The following RAB11FIP3 variants were observed in gnomAD, a reference collection of about 807,000 sequenced individuals.
RAB11FIP3 encodes the protein RAB11 family interacting protein 3.
RAB11FIP3 carries 17 observed loss-of-function variants against 77.8 expected under a neutral mutation model. That is an observed-to-expected ratio of 0.22 (90% CI 0.15 to 0.33). The LOEUF (loss-of-function observed/expected upper bound fraction) is 0.33, where lower values mean the gene tolerates loss of function less well. Ranked by LOEUF, RAB11FIP3 falls within the 10% of genes least tolerant of loss-of-function variation. The pLI is 1.00. For synonymous variants in RAB11FIP3, 437 were observed against 448.2 expected (o/e 0.98, Z 0.31); for missense variants, 1,005 against 1,011.2 (o/e 0.99, Z 0.08).
intron 1 of RAB11FIP3, among the ~76,000 whole-genome samples, chr16:439,582 C>CT (rs1719947221): frequency 1.3e-5 from 2 of 152,164 alleles, no homozygotes; most frequent in South Asian, 4.1e-4. Context: ...TGAGACAGAT[C>CT]TCAGTTAGTT....
intron 4 of RAB11FIP3, 140 bp from the exon 5 acceptor site, chr16:488,711 C>CTTTTTTT: frequency 5.2e-6 from 3 of 580,342 alleles, no homozygotes; most frequent in Non-Finnish European, 2.6e-6. Flanking sequence ...ATCCAGCCCA[C>CTTTTTTT]TTTTTTTTTT....
In RAB11FIP3 at chr16:520,770, G is replaced by C. The variant is rs138947628; in HGVS notation, c.2202G>C (p.Leu734=). ...AGCAGGAGGAGATCAACTTCCGCCT[G>C]CAGGACTACATCGACAGGATCATCG... ...IQKQEEINFR[L]QDYIDRIIVA... The change falls in exon 14 of 14, where the codon CTG becomes CTC. Residue 734 remains leucine (L), a synonymous_variant. Coordinates refer to ENST00000262305, the MANE Select transcript of RAB11FIP3 (RefSeq NM_014700.4). 26 of 1,613,710 alleles carry C rather than the reference G, an allele frequency of 1.6e-5. No individual in the cohort carries two copies. In the African/African-American group the frequency reaches 3.2e-4, roughly 20 times the overall value.
chr16:491,250 G>A, intron 5 of RAB11FIP3: 7 of 1,304,842 alleles, frequency 5.4e-6, no homozygotes, highest in Non-Finnish European at 7.1e-6. Context: ...GCCCGCCTGA[G>A]TGATCTTGAA....
At position 510,372 on chromosome 16, in the gene RAB11FIP3, C is replaced by T. The variant is rs947709437; in HGVS notation, c.1500-288C>T. 8 of 369,558 alleles carry T rather than the reference C, an allele frequency of 2.2e-5. No individual in the cohort carries two copies. The East Asian group carries it at 3.0e-4, about 14-fold the overall frequency. The allele number at this position is 369,558 out of a possible 1,614,324, so 22.9% of individuals were successfully genotyped here. A position where few individuals can be genotyped will look rare whatever the true frequency, so the allele number is the denominator to read the frequency against. ...GCGGGCTCAGGCCCTCTGAGTGCTG[C>T]GGTCCACAGGCCACAAGCGGGCAGT... is the stretch of plus-strand genomic sequence containing the variant. On this transcript the variant is annotated intron_variant, in intron 8 of 13. Coordinates refer to ENST00000262305, the MANE Select transcript of RAB11FIP3 (RefSeq NM_014700.4).
chr16:463,729 C>T (rs560098802), intron 2 of RAB11FIP3, among the ~76,000 whole-genome samples: 6 of 152,284 alleles, frequency 3.9e-5, no homozygotes, highest in South Asian at 2.1e-4. Flanking sequence ...TGAGCCACTG[C>T]GCCCGGCCTG....
chr16:489,093 G>T (rs74390230), intron 5 of RAB11FIP3, 93 bp downstream of exon 5: 3 of 1,406,952 alleles, frequency 2.1e-6, no homozygotes, highest in Non-Finnish European at 2.8e-6. Context: ...ATTGGTGAGA[G>T]AACTTGCTTT....
rs2032747984 is a variant in RAB11FIP3, at chr16:522,576, A to G, written c.*1737A>G. ...TTCCCTCAAGGCGTCCGAGGCCATC[A>G]GTTGTCTGAGCTCAGAACCCAGCAG... On this transcript the variant is annotated 3_prime_UTR_variant, in exon 14 of 14. Transcript: ENST00000262305. 1 of 152,222 alleles carries G rather than the reference A, an allele frequency of 6.6e-6. No homozygotes were observed. Among genetic ancestry groups the G allele is most frequent in the Non-Finnish European group, 1.5e-5 (1 of 68,078 alleles). 9.4% of individuals were successfully genotyped at this position (152,222 alleles called of 1,614,324 possible). A position where few individuals can be genotyped will look rare whatever the true frequency, so the allele number is the denominator to read the frequency against.
chr16:432,914 C>G (rs1002999555), intron 1 of RAB11FIP3, among the ~76,000 whole-genome samples: 10 of 144,784 alleles, frequency 6.9e-5, no homozygotes, highest in Non-Finnish European at 1.5e-4. Flanking sequence ...TGAGCTGTTT[C>G]TTTTTAATTG....
Position 521,231 on chromosome 16 carries a change from C to G in RAB11FIP3, c.*392C>G, listed in dbSNP as rs770365403. On this transcript the variant is annotated 3_prime_UTR_variant, in exon 14 of 14. Transcript: ENST00000262305. The stretch of plus-strand genomic sequence containing the variant: ...GGTGTGGGGTGAGCCCTGCTGTGGC[C>G]TCCTTGTGGTGGTCCCTCTTCCCAC... The G allele has an allele frequency of 4.6e-4, 106 of 232,288 alleles. No homozygotes were observed. The highest frequency in any genetic ancestry group is 7.9e-4 in the Non-Finnish European group (92 of 116,808). 14.4% of individuals were successfully genotyped at this position (232,288 alleles called of 1,614,324 possible). A position where few individuals can be genotyped will look rare whatever the true frequency, so the allele number is the denominator to read the frequency against.
In RAB11FIP3 at chr16:426,763, C is replaced by T; in HGVS notation, c.714+43C>T. 2.1e-6 allele frequency: 3 copies of T among 1,425,932 alleles called. No individual in the cohort carries two copies. The highest frequency in any genetic ancestry group is 2.6e-5 in the Admixed American group (1 of 39,064). 88.3% of individuals were successfully genotyped at this position (1,425,932 alleles called of 1,614,324 possible). On this transcript the variant is annotated intron_variant, in intron 1 of 13. Coordinates refer to ENST00000262305, the MANE Select transcript of RAB11FIP3 (RefSeq NM_014700.4). The surrounding 1 kb of genome is among the most constrained non-coding windows in gnomAD (Gnocchi z 5.0). ...CCGGGGCGTGGGAACTGGGCAGGTGCGCGCTGGCCGGCGGGGTTGATGTGG... is the reference window on the plus strand; with the variant it reads ...CCGGGGCGTGGGAACTGGGCAGGTGTGCGCTGGCCGGCGGGGTTGATGTGG...
intron 4 of RAB11FIP3, among the ~76,000 whole-genome samples, chr16:487,657 C>T (rs2056185082): frequency 2.6e-5 from 4 of 152,102 alleles, no homozygotes; most frequent in Admixed American, 2.6e-4. Flanking sequence ...GCCGGGCCTG[C>T]ACAGAAGGTT....
At chr16:488,743 A>T in intron 4 of RAB11FIP3, 108 bp from the exon 5 acceptor site, 1 of 1,021,592 alleles carries the variant, frequency 9.8e-7, no homozygotes, top group South Asian at 2.1e-5. Context: ...GGCTCCCAGG[A>T]CTCACGTGTG....
chr16:477,342 C>G (rs968686913), intron 3 of RAB11FIP3, among the ~76,000 whole-genome samples: 3 of 152,374 alleles, frequency 2.0e-5, no homozygotes, highest in African/African-American at 7.2e-5. Context: ...AGCAGCGGGT[C>G]TTCCTGGTGC....
At chr16:434,207 C>T (rs929153410) in intron 1 of RAB11FIP3, among the ~76,000 whole-genome samples, 7 of 151,754 alleles carry the variant, frequency 4.6e-5, no homozygotes, top group Non-Finnish European at 1.0e-4. Flanking sequence ...CTGCAACCTT[C>T]GCCTCCTGGG....
At chr16:459,800 A>G (rs538009564) in intron 1 of RAB11FIP3, among the ~76,000 whole-genome samples, 4 of 151,740 alleles carry the variant, frequency 2.6e-5, no homozygotes, top group Non-Finnish European at 5.9e-5. Context: ...TCATGTGGTT[A>G]TCAACCATTC....
At chr16:464,925 A>AGGG (rs1403826498) in intron 2 of RAB11FIP3, among the ~76,000 whole-genome samples, 5 of 152,172 alleles carry the variant, frequency 3.3e-5, no homozygotes, top group Non-Finnish European at 7.3e-5. Context: ...CATTAATTCC[A>AGGG]AACAGAATTT....
At chr16:436,600 G>C (rs1477627826) in intron 1 of RAB11FIP3, among the ~76,000 whole-genome samples, 1 of 152,128 alleles carries the variant, frequency 6.6e-6, no homozygotes, top group African/African-American at 2.4e-5. Context: ...TCCTGCCTCA[G>C]CCTCCTGAGT....
In RAB11FIP3 at chr16:514,275, G is replaced by C. The variant is rs574335290; in HGVS notation, c.1640+3475G>C. 6.6e-6 allele frequency among the ~76,000 whole-genome samples: 1 copy of C among 151,598 alleles called. No individual in the cohort carries two copies. The highest frequency in any genetic ancestry group is 2.4e-5 in the African/African-American group (1 of 40,854). On this transcript the variant is annotated intron_variant, in intron 9 of 13. Coordinates refer to ENST00000262305, the MANE Select transcript of RAB11FIP3 (RefSeq NM_014700.4). This position sits in a 1 kb window ranked among gnomAD's most constrained non-coding sequence, Gnocchi z 4.6. ...CAGCAACCTGCGGTCAGCCCAGCACGAGGCCTCTGGCATCTTGGGGACTTC... is the reference window on the plus strand; with the variant it reads ...CAGCAACCTGCGGTCAGCCCAGCACCAGGCCTCTGGCATCTTGGGGACTTC...
rs2055811096 is a variant in RAB11FIP3, at chr16:471,644, G to A, written c.903+255G>A. 6.6e-6 allele frequency among the ~76,000 whole-genome samples: 1 copy of A among 152,202 alleles called. No homozygotes were observed. The highest frequency in any genetic ancestry group is 1.5e-5 in the Non-Finnish European group (1 of 68,032). ...CGCCAGCAGAAGTGGGGTGGGCAGT[G>A]ATGTCATGACCACCCGCTGCCAGGC... On this transcript the variant is annotated intron_variant, in intron 3 of 13. Transcript: ENST00000262305. The surrounding 1 kb of genome is among the most constrained non-coding windows in gnomAD (Gnocchi z 4.4).
Sources: gnomAD v4.1 joint callset for allele counts (sites outside exome capture counted in the v4.1 genomes callset) on GRCh38, gnomAD v4.1.1 for gene constraint, Gnocchi (gnomAD v3.1) non-coding constraint, MANE v1.5 for transcripts, NCBI Gene and HGNC (gene_info 2026-07-23, HGNC 2026-07-21) for gene names.